The following SYNE2 variants were observed in gnomAD, a reference collection of about 807,000 sequenced individuals.
SYNE2 encodes spectrin repeat containing nuclear envelope protein 2.
Under a neutral mutation model 856.3 loss-of-function variants are expected in SYNE2, and 431 were observed. That is an observed-to-expected ratio of 0.50 (90% CI 0.47 to 0.55). The LOEUF is 0.55. SYNE2 is among the 20% of genes least tolerant of loss of function. SYNE2 has a pLI of 0.00. For synonymous variants in SYNE2, 2,923 were observed against 2,872.3 expected (o/e 1.02, Z -0.56); for missense variants, 8,129 against 8,023.2 (o/e 1.01, Z -0.50).
At chr14:63,780,116 A>C (rs1172033587) in intron 1 of SYNE2, among the ~76,000 whole-genome samples, 2 of 152,214 alleles carry the variant, frequency 1.3e-5, no homozygotes, top group Non-Finnish European at 1.5e-5. Flanking sequence ...AATGAAATGA[A>C]AACAATTCTA....
intron 79 of SYNE2, among the ~76,000 whole-genome samples, chr14:64,138,298 C>T (rs2098112560): frequency 6.6e-6 from 1 of 152,134 alleles, no homozygotes; most frequent in African/African-American, 2.4e-5. Context: ...GCAGCACTAT[C>T]ATAGCTCACT....
At chr14:64,116,756 A>G (rs546726515) in intron 66 of SYNE2, among the ~76,000 whole-genome samples, 34 of 152,194 alleles carry the variant, frequency 2.2e-4, no homozygotes, top group Non-Finnish European at 3.7e-4. Context: ...AATAATCCCA[A>G]ATGAGAAAAA....
intron 8 of SYNE2, among the ~76,000 whole-genome samples, chr14:63,959,661 T>C (rs1420772103): frequency 6.6e-6 from 1 of 152,168 alleles, no homozygotes; most frequent in Admixed American, 6.6e-5. Context: ...TTACTAATTC[T>C]TGTTAACTTT....
At chr14:63,979,617 A>ATGAGG (rs1169028766) in intron 14 of SYNE2, among the ~76,000 whole-genome samples, 1 of 152,154 alleles carries the variant, frequency 6.6e-6, no homozygotes, top group Non-Finnish European at 1.5e-5. Context: ...CCTTTTAGAG[A>ATGAGG]TGAGGTGGGG....
intron 61 of SYNE2, among the ~76,000 whole-genome samples, chr14:64,095,583 A>G (rs114381097): frequency 0.01 from 1,591 of 152,100 alleles, 26 homozygotes; most frequent in African/African-American, 0.036. Flanking sequence ...GGAAAGCAAT[A>G]CAGTTTATCA....
intron 107 of SYNE2, 23 bp from the exon 108 acceptor site, chr14:64,216,225 T>C (rs747995852): frequency 9.3e-6 from 15 of 1,613,906 alleles, no homozygotes; most frequent in Non-Finnish European, 1.2e-5. Flanking sequence ...GAATAGACTG[T>C]CGCTTGCTGT....
intron 1 of SYNE2, among the ~76,000 whole-genome samples, chr14:63,793,767 C>CT (rs1033198294): frequency 6.7e-6 from 1 of 149,978 alleles, no homozygotes; most frequent in African/African-American, 2.4e-5. Context: ...TGAGGCCCCC[C>CT]CCCAACTAAA....
intron 2 of SYNE2, among the ~76,000 whole-genome samples, chr14:63,939,743 C>T (rs1016380306): frequency 6.6e-6 from 1 of 152,218 alleles, no homozygotes; most frequent in African/African-American, 2.4e-5. Context: ...ATAATAATCT[C>T]TAGAGACAAA....
intron 6 of SYNE2, 31 bp downstream of exon 6, chr14:63,942,174 C>T (rs756716434): frequency 7.8e-7 from 1 of 1,286,122 alleles, no homozygotes. Context: ...AAAATTATTT[C>T]TACCCTACCA....
chr14:64,002,973 C>T lies in SYNE2; in HGVS notation c.4040C>T (p.Ala1347Val). The T allele has an allele frequency of 6.2e-7, 1 of 1,614,140 alleles. No homozygotes were observed. The highest frequency in any genetic ancestry group is 8.5e-7 in the Non-Finnish European group (1 of 1,180,036). The change falls in exon 30 of 116, where the codon GCC becomes GTC. Residue 1347 changes from alanine to valine, a missense_variant. By Grantham distance (64) the Ala-to-Val change is moderately conservative. Transcript: ENST00000555002. The part of the protein sequence containing the change: ...LSAEPVTDLS[A>V]SDTQVAQENT... Reference sequence around the variant, plus strand: ...GCTGAGCCCGTTACAGACCTTTCAGCCTCAGATACACAGGTGGCACAAGAA... The same window carrying T: ...GCTGAGCCCGTTACAGACCTTTCAGTCTCAGATACACAGGTGGCACAAGAA...
chr14:63,772,125 C>T (rs1886941282), intron 1 of SYNE2, among the ~76,000 whole-genome samples: 1 of 151,702 alleles, frequency 6.6e-6, no homozygotes, highest in Admixed American at 6.6e-5. Context: ...GGCCAAGATG[C>T]ATGCATCCCT....
chr14:64,005,753 TA>T (rs1359634624), intron 30 of SYNE2, among the ~76,000 whole-genome samples: 1 of 151,982 alleles, frequency 6.6e-6, no homozygotes, highest in Non-Finnish European at 1.5e-5. Flanking sequence ...GGGCTTGAGG[TA>T]TATATTTGAG....
chr14:64,128,021 A>G (rs2097966894), intron 73 of SYNE2, among the ~76,000 whole-genome samples: 1 of 152,250 alleles, frequency 6.6e-6, no homozygotes, highest in South Asian at 2.1e-4. Context: ...CATCATTGAA[A>G]CAAATCAAAA....
intron 49 of SYNE2, among the ~76,000 whole-genome samples, chr14:64,060,587 G>A (rs1286318531): frequency 6.6e-6 from 1 of 152,062 alleles, no homozygotes; most frequent in African/African-American, 2.4e-5. Flanking sequence ...TTTTGGAACT[G>A]TGAGCTGTGG....
At chr14:64,200,951 T>C (rs1345599376) in intron 99 of SYNE2, among the ~76,000 whole-genome samples, 3 of 152,194 alleles carry the variant, frequency 2.0e-5, no homozygotes, top group Non-Finnish European at 4.4e-5. Flanking sequence ...AAAACACTGA[T>C]GAAAGAACTT....
chr14:64,178,906 T>A (rs987618810), intron 96 of SYNE2, among the ~76,000 whole-genome samples: 9 of 152,148 alleles, frequency 5.9e-5, no homozygotes, highest in African/African-American at 2.2e-4. Flanking sequence ...TCCCCATATG[T>A]ACAGCAAAAA....
Position 64,130,223 on chromosome 14 carries a change from T to C in SYNE2, c.14315T>C (p.Leu4772Ser), listed in dbSNP as rs1318879739. ...AAACAAACCAAAAGTAAAGTGGCGT[T>C]ACAGGCTCAAATAGAAAATCACAAG... ...HLKQTKSKVA[L>S]QAQIENHKVF... Residue 4772 changes from leucine (L) to serine (S), a missense_variant, in exon 76 of 116, where the codon TTA becomes TCA. By Grantham distance (145) the Leu-to-Ser change is moderately radical. Coordinates refer to ENST00000555002, the MANE Select transcript of SYNE2 (RefSeq NM_182914.3). The C allele has an allele frequency of 1.2e-6, 2 of 1,613,186 alleles. No individual in the cohort carries two copies. The highest frequency in any genetic ancestry group is 2.7e-5 in the African/African-American group (2 of 74,918).
intron 1 of SYNE2, among the ~76,000 whole-genome samples, chr14:63,803,214 C>G (rs1469751156): frequency 6.6e-6 from 1 of 152,234 alleles, no homozygotes; most frequent in Admixed American, 6.5e-5. Flanking sequence ...TAGTGGATCC[C>G]CCACCGGGGC....
chr14:63,785,935 A>C (rs1377373144), intron 1 of SYNE2, among the ~76,000 whole-genome samples: 1 of 151,914 alleles, frequency 6.6e-6, no homozygotes, highest in Non-Finnish European at 1.5e-5. Context: ...GCCATACCCC[A>C]TCTATACAAC....
Sources: gnomAD v4.1 joint callset for allele counts (sites outside exome capture counted in the v4.1 genomes callset) on GRCh38, gnomAD v4.1.1 for gene constraint, MANE v1.5 for transcripts, NCBI Gene and HGNC (gene_info 2026-07-23, HGNC 2026-07-21) for gene names.